Variants in ME3 observed in about 807,000 individuals in gnomAD.
ME3 encodes the protein malic enzyme 3, also known as NADP-dependent malic enzyme, mitochondrial.
A neutral mutation model predicts 68.9 loss-of-function variants in ME3; 48 were observed. The ratio of observed to expected loss-of-function variants is 0.70; its 90% CI spans 0.55 to 0.89. ME3 has a LOEUF of 0.89. Ranked by LOEUF, ME3 falls within the 40% of genes least tolerant of loss-of-function variation. The pLI is 0.00. For missense variants in ME3, 675 were observed against 797.4 expected (o/e 0.85, Z 1.85); for synonymous variants, 320 against 318.8 (o/e 1.00, Z -0.04).
chr11:86,660,589 G>T (rs1002379103), intron 2 of ME3, among the ~76,000 whole-genome samples: 3 of 152,142 alleles, frequency 2.0e-5, no homozygotes, highest in African/African-American at 7.2e-5. Context: ...TAATTCCCTC[G>T]ATTTTTAGCC....
intron 2 of ME3, among the ~76,000 whole-genome samples, chr11:86,659,171 G>A (rs1167975389): frequency 1.3e-5 from 2 of 152,208 alleles, no homozygotes; most frequent in Non-Finnish European, 2.9e-5. Flanking sequence ...ACACACAGGA[G>A]CGACAGCAGG....
At chr11:86,637,666 G>T (rs1321023286) in intron 2 of ME3, among the ~76,000 whole-genome samples, 1 of 152,136 alleles carries the variant, frequency 6.6e-6, no homozygotes, top group African/African-American at 2.4e-5. Context: ...TTGTGCTAAG[G>T]AGTTTAACTT....
chr11:86,446,910 C>T, intron 12 of ME3, 155 bp downstream of exon 12: 1 of 1,065,950 alleles, frequency 9.4e-7, no homozygotes, highest in East Asian at 2.6e-5. Context: ...AGCTCCACTC[C>T]TTATTAGCTC....
intron 4 of ME3, among the ~76,000 whole-genome samples, chr11:86,516,158 T>C (rs2139149713): frequency 6.6e-6 from 1 of 152,222 alleles, no homozygotes; most frequent in South Asian, 2.1e-4. Flanking sequence ...AAAACAAAAA[T>C]AATTTTAGCT....
At chr11:86,633,012 C>T (rs1387247075) in intron 2 of ME3, among the ~76,000 whole-genome samples, 4 of 152,196 alleles carry the variant, frequency 2.6e-5, no homozygotes, top group African/African-American at 9.7e-5. Flanking sequence ...TGCCCAGGGA[C>T]ACAGAGTCAG....
intron 6 of ME3, among the ~76,000 whole-genome samples, chr11:86,495,757 G>C (rs778784181): frequency 2.2e-4 from 33 of 152,176 alleles, no homozygotes; most frequent in Admixed American, 4.6e-4. Flanking sequence ...TCCTGAGCTG[G>C]TGAGGAGACA....
At chr11:86,466,137 A>C (rs954577808) in intron 7 of ME3, among the ~76,000 whole-genome samples, 8 of 152,282 alleles carry the variant, frequency 5.3e-5, no homozygotes, top group African/African-American at 1.9e-4. Flanking sequence ...AAGGAAGCTG[A>C]GAGTGAAGTT....
chr11:86,621,520 T>C (rs1231073317), intron 2 of ME3, among the ~76,000 whole-genome samples: 1 of 152,086 alleles, frequency 6.6e-6, no homozygotes, highest in African/African-American at 2.4e-5. Context: ...TTCAGAAAGT[T>C]TTTTTTCTAA....
chr11:86,467,662 TTC>T (rs57747402), intron 7 of ME3, among the ~76,000 whole-genome samples: 2,182 of 144,028 alleles, frequency 0.015, 19 homozygotes, highest in Middle Eastern at 0.033. Flanking sequence ...CTCTCTCTGT[TTC>T]TCTCTCTCTC....
rs552785413 is a variant in ME3 at position 86,476,695 on chromosome 11, C to T, written c.809+10642G>A. ...ATGTACACATGAATCTACACAACAC[C>T]GTCCACTGGAGGAGGGAGAGCAAAA... On this transcript the variant is annotated intron_variant, in intron 7 of 14. Transcript: ENST00000543262. Among the ~76,000 whole-genome samples the T allele has an allele frequency of 2.6e-5, 4 of 152,278 alleles. No homozygotes were observed. In the South Asian group the frequency reaches 8.3e-4, roughly 32 times the overall value.
chr11:86,574,400 G>GC (rs1491197669), intron 2 of ME3, among the ~76,000 whole-genome samples: 1 of 47,654 alleles, frequency 2.1e-5, no homozygotes, highest in African/African-American at 4.4e-5. Context: ...TTGTTGCCGG[G>GC]GGGGGGGGGG....
intron 4 of ME3, among the ~76,000 whole-genome samples, chr11:86,543,951 C>G (rs989870582): frequency 4.0e-5 from 6 of 148,900 alleles, no homozygotes; most frequent in African/African-American, 7.5e-5. Flanking sequence ...TCATAACAAA[C>G]AGTCTCTCAG....
At chr11:86,556,662 GCTT>G (rs1015734663) in exon 4 of ME3, 4 of 1,614,038 alleles carry the variant, frequency 2.5e-6, no homozygotes, top group Admixed American at 1.7e-5. Context: ...CGGTAGAAGA[GCTT>G]CTCGTTCCGG....
intron 6 of ME3, chr11:86,489,226 C>T (rs1395182754): frequency 2.6e-5 from 4 of 152,150 alleles, no homozygotes; most frequent in African/African-American, 9.7e-5. Flanking sequence ...CTCCGACCCT[C>T]GGGGGCTTAC....
chr11:86,525,972 C>G (rs958079431), intron 4 of ME3, among the ~76,000 whole-genome samples: 1 of 152,102 alleles, frequency 6.6e-6, no homozygotes, highest in African/African-American at 2.4e-5. Flanking sequence ...TTCTGCATTT[C>G]CAACTGAGGT....
At chr11:86,486,944 G>A (rs1342436792) in intron 7 of ME3, among the ~76,000 whole-genome samples, 1 of 152,196 alleles carries the variant, frequency 6.6e-6, no homozygotes, top group Non-Finnish European at 1.5e-5. Context: ...ATAACCAAAT[G>A]TGACAAGCTG....
chr11:86,667,057 C>A (rs1022510064), intron 2 of ME3, among the ~76,000 whole-genome samples: 7 of 152,192 alleles, frequency 4.6e-5, no homozygotes, highest in African/African-American at 1.4e-4. Context: ...GCCAACACTG[C>A]AGCACTGTCC....
At chr11:86,606,184 A>G (rs1223964875) in intron 2 of ME3, among the ~76,000 whole-genome samples, 1 of 152,136 alleles carries the variant, frequency 6.6e-6, no homozygotes, top group Non-Finnish European at 1.5e-5. Context: ...CTACTATATA[A>G]TGGGATTGTG....
intron 2 of ME3, among the ~76,000 whole-genome samples, chr11:86,606,697 C>G (rs1961712814): frequency 6.6e-6 from 1 of 152,176 alleles, no homozygotes; most frequent in South Asian, 2.1e-4. Context: ...GTCCATGGTG[C>G]TTATAACTCT....
Sources: allele counts gnomAD v4.1 joint callset (sites outside exome capture counted in the v4.1 genomes callset), GRCh38; gene constraint gnomAD v4.1.1; transcripts MANE v1.5; gene names NCBI Gene and HGNC (gene_info 2026-07-23, HGNC 2026-07-21).